The following ZFPM2 variants were observed in gnomAD, a reference collection of about 807,000 sequenced individuals.
The protein encoded by ZFPM2 is zinc finger protein, FOG family member 2.
A neutral mutation model predicts 98.6 loss-of-function variants in ZFPM2; 20 were observed. The observed-to-expected ratio is 0.20, with a 90% CI of 0.14 to 0.29. The LOEUF is 0.29. Among genes scored for constraint, ZFPM2 ranks in the 10% least tolerant of loss-of-function variants. ZFPM2 has a pLI of 1.00. For missense variants in ZFPM2, 1,310 were observed against 1,388.6 expected, an observed-to-expected ratio of 0.94 and a Z score of 0.90; for synonymous variants, 518 against 502.7, an observed-to-expected ratio of 1.03 and a Z score of -0.41.
At chr8:105,471,116 C>T (rs543040642) in intron 3 of ZFPM2, among the ~76,000 whole-genome samples, 1 of 152,148 alleles carries the variant, frequency 6.6e-6, no homozygotes, top group South Asian at 2.1e-4. Flanking sequence ...TCGTTTGGTT[C>T]ATGATTCTTA....
chr8:105,628,691 C>T (rs1055158848), intron 4 of ZFPM2, among the ~76,000 whole-genome samples: 1 of 152,168 alleles, frequency 6.6e-6, no homozygotes, highest in Non-Finnish European at 1.5e-5. Flanking sequence ...GGTCGGACTT[C>T]AGGGGAAGAT....
chr8:105,647,564 T>C (rs1817074711), intron 5 of ZFPM2, among the ~76,000 whole-genome samples: 1 of 148,266 alleles, frequency 6.7e-6, no homozygotes, highest in South Asian at 2.2e-4. Context: ...TGTGTGATGT[T>C]CCCCACCCTG....
At chr8:105,534,085 TCCTCCCTC>T (rs1406671871) in intron 3 of ZFPM2, among the ~76,000 whole-genome samples, 1 of 37,720 alleles carries the variant, frequency 2.7e-5, no homozygotes, top group African/African-American at 1.2e-4. Context: ...CCTCCCATCT[TCCTCCCTC>T]CCTCCCTTCC....
chr8:105,468,236 C>T (rs1248616174), intron 3 of ZFPM2, among the ~76,000 whole-genome samples: 2 of 151,980 alleles, frequency 1.3e-5, no homozygotes, highest in African/African-American at 4.8e-5. Context: ...CCCAGGGGTA[C>T]TTGACACTTG....
chr8:105,673,568 C>T (rs1355897485), intron 5 of ZFPM2, among the ~76,000 whole-genome samples: 2 of 152,076 alleles, frequency 1.3e-5, no homozygotes, highest in Non-Finnish European at 2.9e-5. Context: ...ACATTTCCTT[C>T]CTTTGGTGAA....
chr8:105,689,114 A>G (rs1810816855), intron 5 of ZFPM2, among the ~76,000 whole-genome samples: 1 of 151,932 alleles, frequency 6.6e-6, no homozygotes, highest in African/African-American at 2.4e-5. Context: ...TCCCTTCCTG[A>G]CCTAAGCATT....
At chr8:105,723,042 T>G (rs1182656565) in intron 5 of ZFPM2, among the ~76,000 whole-genome samples, 3 of 151,918 alleles carry the variant, frequency 2.0e-5, no homozygotes, top group Non-Finnish European at 1.5e-5. Flanking sequence ...CGTCTGGCAT[T>G]GGCTCAGAAA....
intron 3 of ZFPM2, among the ~76,000 whole-genome samples, chr8:105,526,779 T>C (rs1814183023): frequency 6.6e-6 from 1 of 152,154 alleles, no homozygotes; most frequent in South Asian, 2.1e-4. Flanking sequence ...AAGACCAAAT[T>C]GTGTCACTTA....
intron 5 of ZFPM2, among the ~76,000 whole-genome samples, chr8:105,746,249 T>G (rs1324745477): frequency 6.6e-6 from 1 of 151,926 alleles, no homozygotes; most frequent in African/African-American, 2.4e-5. Flanking sequence ...TAGAGACTGT[T>G]TGATCCAGTC....
At chr8:105,390,943 T>G (rs1811094791) in intron 1 of ZFPM2, among the ~76,000 whole-genome samples, 1 of 152,134 alleles carries the variant, frequency 6.6e-6, no homozygotes, top group Non-Finnish European at 1.5e-5. Flanking sequence ...ATGAAACACA[T>G]GAATGCAGGG....
intron 4 of ZFPM2, among the ~76,000 whole-genome samples, chr8:105,596,630 C>G (rs1815975173): frequency 6.6e-6 from 1 of 150,702 alleles, no homozygotes; most frequent in Non-Finnish European, 1.5e-5. Flanking sequence ...GAACAGAGAT[C>G]ATAATAGTTA....
At chr8:105,764,287 G>GACACACACACAC (rs59943408) in intron 5 of ZFPM2, among the ~76,000 whole-genome samples, 3 of 139,460 alleles carry the variant, frequency 2.2e-5, no homozygotes, top group Non-Finnish European at 4.8e-5. Flanking sequence ...CTCTCTCTCT[G>GACACACACACAC]ACACACACAC....
intron 3 of ZFPM2, among the ~76,000 whole-genome samples, chr8:105,513,915 G>T (rs1370351197): frequency 6.6e-6 from 1 of 152,008 alleles, no homozygotes; most frequent in Non-Finnish European, 1.5e-5. Flanking sequence ...ATTCTGCAGA[G>T]TGCATAAGCT....
At chr8:105,445,214 G>T (rs1812341855) in intron 3 of ZFPM2, among the ~76,000 whole-genome samples, 2 of 152,038 alleles carry the variant, frequency 1.3e-5, no homozygotes, top group African/African-American at 4.8e-5. Flanking sequence ...AAGAAGAGAG[G>T]AACTCCAGCA....
At chr8:105,462,314 G>T (rs1356036049) in intron 3 of ZFPM2, among the ~76,000 whole-genome samples, 1 of 152,022 alleles carries the variant, frequency 6.6e-6, no homozygotes, top group Non-Finnish European at 1.5e-5. Context: ...TATAGCTAAG[G>T]ATGTTAAGTC....
At chr8:105,332,557 A>C (rs562893800) in intron 1 of ZFPM2, among the ~76,000 whole-genome samples, 1 of 151,894 alleles carries the variant, frequency 6.6e-6, no homozygotes, top group Non-Finnish European at 1.5e-5. Context: ...ACATATAGTA[A>C]GTACTAATTT....
At chr8:105,799,564 G>T (rs1350211394) in intron 7 of ZFPM2, among the ~76,000 whole-genome samples, 2 of 151,952 alleles carry the variant, frequency 1.3e-5, no homozygotes, top group Admixed American at 1.3e-4. Context: ...GCTTTTTAAG[G>T]CCCTCTCAAT....
chr8:105,787,148 G>A (rs979370470), intron 5 of ZFPM2: 21 of 152,192 alleles, frequency 1.4e-4, no homozygotes, highest in Admixed American at 1.2e-3. Context: ...AAGCCTTCAG[G>A]GGGGAGAACA....
intron 5 of ZFPM2, among the ~76,000 whole-genome samples, chr8:105,659,552 C>T: frequency 6.6e-6 from 1 of 152,128 alleles, no homozygotes; most frequent in East Asian, 1.9e-4. Flanking sequence ...TGGCATAAAA[C>T]AAACATAATT....
Sources: allele counts gnomAD v4.1 joint callset (sites outside exome capture counted in the v4.1 genomes callset), GRCh38; gene constraint gnomAD v4.1.1; transcripts MANE v1.5; gene names NCBI Gene and HGNC (gene_info 2026-07-23, HGNC 2026-07-21).